TRPM1: variants seen among roughly 807,000 people sequenced by gnomAD.
The protein encoded by TRPM1 is TRPM1-203 APA Isoform, Intron 10.
TRPM1 carries 113 observed loss-of-function variants against 149.4 expected under a neutral mutation model. The observed-to-expected ratio is 0.76, with a 90% CI of 0.65 to 0.88. The LOEUF (loss-of-function observed/expected upper bound fraction) is 0.88. Ranked by LOEUF, TRPM1 falls within the 40% of genes least tolerant of loss-of-function variation. The probability of loss-of-function intolerance (pLI) is 0.00; values close to 1 mark genes in which losing one functional copy is unlikely to be tolerated. For synonymous variants in TRPM1, 741 were observed against 759.5 expected (o/e 0.98, Z 0.40); for missense variants, 1,976 against 2,038.7 (o/e 0.97, Z 0.59).
chr15:31,044,846 G>GA (rs1229947309), intron 16 of TRPM1, among the ~76,000 whole-genome samples: 119 of 150,286 alleles, frequency 7.9e-4, no homozygotes, highest in African/African-American at 2.7e-3. Context: ...TGAGGAGACT[G>GA]AAAAAAACTA....
intron 24 of TRPM1, 25 bp from the exon 25 acceptor site, chr15:31,028,501 T>G: frequency 6.2e-7 from 1 of 1,613,236 alleles, no homozygotes; most frequent in Non-Finnish European, 8.5e-7. Context: ...TAGTTTTGTC[T>G]TTGCTTTTTA....
rs370822722 is a variant in TRPM1 at position 31,032,764 on chromosome 15, G to A, written c.2877C>T (p.Phe959=). 8.8e-5 allele frequency: 142 copies of A among 1,614,162 alleles called. No homozygotes were observed. The African/African-American group carries it at 1.4e-3, about 16-fold the overall frequency. Residue 959 remains phenylalanine (F), a synonymous_variant, in exon 22 of 28, where the codon TTC becomes TTT. Transcript: ENST00000256552. ...AGATGTCCAGGACACGGATGTACCA[G>A]AAGATGATATCCACACAGTAGATCA... The part of the protein sequence containing the change: ...GRVIYCVDII[F]WYIRVLDIFG...
At chr15:31,081,590 C>A (rs907107005) in intron 1 of TRPM1, among the ~76,000 whole-genome samples, 152 bp from the exon 2 acceptor site, 7 of 152,080 alleles carry the variant, frequency 4.6e-5, no homozygotes, top group Admixed American at 6.5e-5. Context: ...CTACCCCAAC[C>A]CCTGCGCTCT....
intron 1 of TRPM1, among the ~76,000 whole-genome samples, chr15:31,081,655 G>T (rs1286490036): frequency 2.0e-5 from 3 of 150,988 alleles, no homozygotes; most frequent in Admixed American, 1.3e-4. Flanking sequence ...CCCCAACCTC[G>T]CACCAAAGCC....
intron 1 of TRPM1, among the ~76,000 whole-genome samples, chr15:31,088,461 C>T (rs920965364): frequency 5.9e-5 from 9 of 152,268 alleles, no homozygotes; most frequent in African/African-American, 1.7e-4. Flanking sequence ...CGGTATGTGG[C>T]TTCACTCCTG....
intron 22 of TRPM1, chr15:31,031,448 A>G (rs1004516925): frequency 2.0e-6 from 1 of 488,220 alleles, no homozygotes; most frequent in African/African-American, 1.9e-5. Flanking sequence ...TACAACTGCA[A>G]ATGGAGAAAG....
intron 1 of TRPM1, among the ~76,000 whole-genome samples, chr15:31,085,133 C>G (rs2034966402): frequency 6.6e-6 from 1 of 151,992 alleles, no homozygotes; most frequent in Non-Finnish European, 1.5e-5. Flanking sequence ...TTTTAATTTT[C>G]TAAAGACCAA....
chr15:31,112,924 C>T (rs2035712509), intron 1 of TRPM1, among the ~76,000 whole-genome samples: 2 of 152,184 alleles, frequency 1.3e-5, no homozygotes, highest in African/African-American at 4.8e-5. Flanking sequence ...TGAAATACCT[C>T]TTAATATTTC....
chr15:31,040,255 T>G lies in TRPM1; in HGVS notation c.2179A>C (p.Asn727His). Residue 727 changes from asparagine (N) to histidine (H), a missense_variant, in exon 18 of 28, where the codon AAC becomes CAC. Physicochemically the swap from Asn to His is moderately conservative, Grantham distance 68. This residue lies in a region of TRPM1 where 1,332 missense variants were observed against 1,347.1 expected (regional missense o/e 0.99). Coordinates refer to ENST00000256552, the MANE Select transcript of TRPM1 (RefSeq NM_001252024.2). The surrounding 1 kb of genome is among the most constrained non-coding windows in gnomAD (Gnocchi z 4.2). ...AMKLLTYELK[N>H]WSNSTCLKLA... is the part of the protein sequence containing the mutation. The stretch of plus-strand genomic sequence containing the variant: ...TTGAGGCAGGTCGAGTTGCTCCAGT[T>G]TTTCAGCTCGTAGGTCAGGAGTTTC... 4.3e-6 allele frequency: 7 copies of G among 1,614,148 alleles called. No individual in the cohort carries two copies. The highest frequency in any genetic ancestry group is 5.9e-6 in the Non-Finnish European group (7 of 1,180,028).
rs112327262 is a variant in TRPM1 at position 31,149,808 on chromosome 15, G to T, written c.54+11098C>A. Among the ~76,000 whole-genome samples the T allele has an allele frequency of 3.2e-4, 49 of 152,040 alleles. No homozygotes were observed. In the South Asian group the frequency reaches 7.5e-3, roughly 23 times the overall value. The stretch of plus-strand genomic sequence containing the variant: ...TGCTGGGATTACAGGCGTGAGCCAC[G>T]GCGCCAGGCCGTGCATCTTTAAAAT... On this transcript the variant is annotated intron_variant, in intron 1 of 26. Transcript: ENST00000542188.
intron 1 of TRPM1, among the ~76,000 whole-genome samples, chr15:31,087,341 T>C (rs2035031988): frequency 7.1e-6 from 1 of 141,434 alleles, no homozygotes; most frequent in Admixed American, 7.7e-5. Context: ...GCCTCCCGGG[T>C]TCACGCCATT....
At chr15:31,083,192 C>G (rs1034984001) in intron 1 of TRPM1, among the ~76,000 whole-genome samples, 1 of 152,124 alleles carries the variant, frequency 6.6e-6, no homozygotes, top group African/African-American at 2.4e-5. Context: ...ACAAGCAAAC[C>G]CCGCAATGAA....
chr15:31,045,333 T>C (rs1458562336), intron 16 of TRPM1, among the ~76,000 whole-genome samples: 1 of 152,252 alleles, frequency 6.6e-6, no homozygotes, highest in African/African-American at 2.4e-5. Context: ...GTCTGGGACA[T>C]TGTTCTTACG....
rs1293741733 is a variant in TRPM1 at position 31,079,471 on chromosome 15, C to CCAGGGCAGCT, written c.3+1872_3+1881dup. ...AACTCCTTGCCAGGGAAACCGCTCT[C>CCAGGGCAGCT]CAGGGCAGCTCACGAAGGGGCAGCT... On this transcript the variant is annotated intron_variant, in intron 2 of 27. Coordinates refer to ENST00000256552, the MANE Select transcript of TRPM1 (RefSeq NM_001252024.2). 2.0e-5 allele frequency among the ~76,000 whole-genome samples: 3 copies of CCAGGGCAGCT among 152,216 alleles called. No homozygotes were observed. The East Asian group carries it at 5.8e-4, about 29-fold the overall frequency.
rs189343111 is a variant in TRPM1, at chr15:31,076,915, C to A, written c.73G>T (p.Asp25Tyr). 5.0e-6 allele frequency: 8 copies of A among 1,606,750 alleles called. No individual in the cohort carries two copies. In the East Asian group the frequency reaches 1.8e-4, roughly 36 times the overall value. ...ECIFVIPSMK[D>Y]SNRCCCGQFT... ...TGGATTTCAATTTACCTGTTAGAGT[C>A]TTTCATGCTAGGAATTACAAAGATA... Residue 25 changes from aspartate to tyrosine, a missense_variant, in exon 3 of 28, where the codon GAC (aspartate) becomes TAC (tyrosine). Coordinates refer to ENST00000256552, the MANE Select transcript of TRPM1 (RefSeq NM_001252024.2).
At chr15:31,059,200 G>A (rs1054022159) in intron 11 of TRPM1, among the ~76,000 whole-genome samples, 1 of 152,032 alleles carries the variant, frequency 6.6e-6, no homozygotes. Flanking sequence ...TGATGGATCC[G>A]TCTACACATG....
chr15:31,090,496 G>A (rs2035205708), intron 1 of TRPM1, among the ~76,000 whole-genome samples: 1 of 152,046 alleles, frequency 6.6e-6, no homozygotes, highest in Admixed American at 6.6e-5. Flanking sequence ...AATTAGCCAG[G>A]TGTGGTGGTG....
chr15:31,108,954 G>T (rs1184041766), intron 1 of TRPM1, among the ~76,000 whole-genome samples: 9 of 152,084 alleles, frequency 5.9e-5, no homozygotes. Flanking sequence ...CTATTTAATT[G>T]AATTTATCAT....
At chr15:31,092,825 T>A (rs1376749483) in intron 1 of TRPM1, among the ~76,000 whole-genome samples, 1 of 152,082 alleles carries the variant, frequency 6.6e-6, no homozygotes, top group Non-Finnish European at 1.5e-5. Context: ...GCAGCTACCA[T>A]ATGGGTGACT....
Sources: allele counts gnomAD v4.1 joint callset (sites outside exome capture counted in the v4.1 genomes callset), GRCh38; gene constraint gnomAD v4.1.1; regional missense constraint gnomAD v4.1.1; non-coding constraint Gnocchi (gnomAD v3.1); transcripts MANE v1.5; gene names NCBI Gene and HGNC (gene_info 2026-07-23, HGNC 2026-07-21).